Variants in KCNMB2 observed in about 807,000 individuals in gnomAD.
KCNMB2 encodes calcium-activated potassium channel subunit beta-2.
Under a neutral mutation model 24.5 loss-of-function variants are expected in KCNMB2, and 9 were observed. The ratio of observed to expected loss-of-function variants is 0.37; its 90% CI spans 0.22 to 0.64. The LOEUF (loss-of-function observed/expected upper bound fraction) is 0.64. Among genes scored for constraint, KCNMB2 ranks in the 30% least tolerant of loss-of-function variants. KCNMB2 has a pLI of 0.63. For synonymous variants in KCNMB2, 109 were observed against 104.4 expected, an observed-to-expected ratio of 1.04 and a Z score of -0.27; for missense variants, 226 against 284.3, an observed-to-expected ratio of 0.79 and a Z score of 1.47.
chr3:178,700,781 C>T (rs548163774), intron 1 of KCNMB2, among the ~76,000 whole-genome samples: 5 of 151,074 alleles, frequency 3.3e-5, no homozygotes, highest in Non-Finnish European at 7.4e-5. Flanking sequence ...AAAAAAAAAC[C>T]AACAACAAGA....
chr3:178,600,870 A>G lies in KCNMB2; in HGVS notation c.-68+64159A>G, dbSNP rs553120140. Among the ~76,000 whole-genome samples the G allele has an allele frequency of 3.7e-4, 57 of 152,260 alleles. 1 individual carries two copies. Among genetic ancestry groups the G allele is most frequent in the African/African-American group, 1.3e-3 (55 of 41,548 alleles). On this transcript the variant is annotated intron_variant, in intron 1 of 4. Transcript: ENST00000452583. ...TCTAGTTCTAGATCCTTGAGGAATCACCACACTGCCTTCCACAATGGTTGA... is the reference window on the plus strand; with the variant it reads ...TCTAGTTCTAGATCCTTGAGGAATCGCCACACTGCCTTCCACAATGGTTGA...
At chr3:178,754,250 A>G (rs994035328) in intron 1 of KCNMB2, among the ~76,000 whole-genome samples, 5 of 150,480 alleles carry the variant, frequency 3.3e-5, no homozygotes, top group African/African-American at 1.2e-4. Context: ...ATGGACACAG[A>G]TCAATTCCAG....
At chr3:178,817,228 A>ATATATATATATATATATATATATATAT (rs1553781212) in intron 2 of KCNMB2, among the ~76,000 whole-genome samples, 4 of 102,430 alleles carry the variant, frequency 3.9e-5, no homozygotes, top group African/African-American at 1.1e-4. Context: ...TATATATATA[A>ATATATATATATATATATATATATATAT]ATGAAGTGTG....
intron 4 of KCNMB2, among the ~76,000 whole-genome samples, chr3:178,835,715 T>TTTTG (rs10669225): frequency 0.64 from 96,717 of 150,808 alleles, 32,967 homozygotes; most frequent in African/African-American, 0.87. Context: ...CATTTTTGGT[T>TTTTG]TTTGTTTGTT....
chr3:178,627,050 A>C (rs1373796017), intron 1 of KCNMB2, among the ~76,000 whole-genome samples: 1 of 151,934 alleles, frequency 6.6e-6, no homozygotes, highest in Non-Finnish European at 1.5e-5. Context: ...TCCTGTGTAA[A>C]ATTATTAAGT....
At position 178,663,918 on chromosome 3, in the gene KCNMB2, G is replaced by T. The variant is rs576986992; in HGVS notation, c.-68+127207G>T. Among the ~76,000 whole-genome samples the T allele has an allele frequency of 3.3e-5, 5 of 152,220 alleles. No individual in the cohort carries two copies. The East Asian group carries it at 9.7e-4, about 29-fold the overall frequency. ...CTGGTGGCAAGAAGACTAATCTAGA[G>T]ACTGTGGCACAAGTTTGAAAGAGTT... On this transcript the variant is annotated intron_variant, in intron 1 of 4. Coordinates refer to ENST00000452583, the MANE Select transcript of KCNMB2 (RefSeq NM_181361.3).
At chr3:178,674,908 G>A (rs1327880427) in intron 1 of KCNMB2, among the ~76,000 whole-genome samples, 3 of 152,172 alleles carry the variant, frequency 2.0e-5, no homozygotes, top group Non-Finnish European at 4.4e-5. Context: ...TGCCTAGAAT[G>A]TTCTTCTCCC....
chr3:178,553,607 C>T (rs1345299284), intron 1 of KCNMB2, among the ~76,000 whole-genome samples: 2 of 151,584 alleles, frequency 1.3e-5, no homozygotes, highest in African/African-American at 2.4e-5. Context: ...CCTCAGCTCA[C>T]GGCAACCTTC....
chr3:178,834,890 A>T (rs1269704542), intron 4 of KCNMB2, among the ~76,000 whole-genome samples: 1 of 152,006 alleles, frequency 6.6e-6, no homozygotes, highest in African/African-American at 2.4e-5. Context: ...AAAGAAGCTG[A>T]TACTGAGCAT....
intron 2 of KCNMB2, among the ~76,000 whole-genome samples, chr3:178,822,505 G>C (rs2108464889): frequency 6.6e-6 from 1 of 152,238 alleles, no homozygotes; most frequent in South Asian, 2.1e-4. Context: ...AATAACAAGA[G>C]ATTACCAGCA....
intron 1 of KCNMB2, among the ~76,000 whole-genome samples, chr3:178,575,786 C>G (rs1175237539): frequency 6.6e-6 from 1 of 152,080 alleles, no homozygotes; most frequent in Non-Finnish European, 1.5e-5. Flanking sequence ...AGAAAATTAC[C>G]AAGCTTGAAC....
chr3:178,812,752 T>C (rs183712067), intron 2 of KCNMB2, among the ~76,000 whole-genome samples: 3 of 152,164 alleles, frequency 2.0e-5, no homozygotes, highest in Non-Finnish European at 2.9e-5. Flanking sequence ...TACATTTCCA[T>C]ATATACATGG....
At chr3:178,635,977 G>A (rs1191903129) in intron 1 of KCNMB2, among the ~76,000 whole-genome samples, 1 of 152,184 alleles carries the variant, frequency 6.6e-6, no homozygotes, top group African/African-American at 2.4e-5. Flanking sequence ...AGATGCAGAA[G>A]ACATATTTCA....
At chr3:178,689,090 C>T (rs1031433114) in intron 1 of KCNMB2, among the ~76,000 whole-genome samples, 3 of 152,044 alleles carry the variant, frequency 2.0e-5, no homozygotes, top group African/African-American at 7.2e-5. Context: ...ACAAAGTTAG[C>T]ATTCAGAAAA....
intron 1 of KCNMB2, among the ~76,000 whole-genome samples, chr3:178,559,295 A>AT (rs959414171): frequency 6.6e-5 from 10 of 151,908 alleles, no homozygotes; most frequent in African/African-American, 2.4e-4. Context: ...TCTAGTGCAT[A>AT]TTTTCTCATA....
intron 2 of KCNMB2, among the ~76,000 whole-genome samples, chr3:178,820,980 C>A (rs11927700): frequency 0.26 from 39,798 of 152,082 alleles, 7,033 homozygotes; most frequent in African/African-American, 0.51. Context: ...CCAGGACACA[C>A]CAAGGCTAGA....
At chr3:178,758,387 CATATATAT>C (rs1192586547) in intron 1 of KCNMB2, among the ~76,000 whole-genome samples, 2 of 3,236 alleles carry the variant, frequency 6.2e-4, no homozygotes, top group Admixed American at 5.7e-3. Context: ...AGAGGGGATA[CATATATAT>C]ATATATATAT....
At chr3:178,548,533 C>T (rs1297350395) in intron 1 of KCNMB2, among the ~76,000 whole-genome samples, 1 of 152,176 alleles carries the variant, frequency 6.6e-6, no homozygotes, top group African/African-American at 2.4e-5. Context: ...CTCAAGCATG[C>T]CTATCATGTC....
At chr3:178,840,470 T>C (rs1020090521) in intron 4 of KCNMB2, among the ~76,000 whole-genome samples, 2 of 152,202 alleles carry the variant, frequency 1.3e-5, no homozygotes, top group African/African-American at 4.8e-5. Flanking sequence ...TCCAACCCCA[T>C]ATTTCCCTTC....
Sources: gnomAD v4.1 joint callset for allele counts (sites outside exome capture counted in the v4.1 genomes callset) on GRCh38, gnomAD v4.1.1 for gene constraint, MANE v1.5 for transcripts, NCBI Gene and HGNC (gene_info 2026-07-23, HGNC 2026-07-21) for gene names.